Variants in TMEM63B observed in about 807,000 individuals in gnomAD.
TMEM63B encodes the protein transmembrane protein 63B, also known as mechanosensitive cation channel TMEM63B.
Under a neutral mutation model 102.6 loss-of-function variants are expected in TMEM63B, and 23 were observed. The observed-to-expected ratio is 0.22, with a 90% CI of 0.16 to 0.32. The LOEUF (loss-of-function observed/expected upper bound fraction) is 0.32, where lower values mean the gene tolerates loss of function less well. TMEM63B is among the 10% of genes least tolerant of loss of function. The pLI is 1.00. For synonymous variants in TMEM63B, 444 were observed against 437.0 expected, an observed-to-expected ratio of 1.02 and a Z score of -0.20; for missense variants, 628 against 1,095.9, an observed-to-expected ratio of 0.57 and a Z score of 6.03.
chr6:44,131,655 G>A (rs1476851881), intron 1 of TMEM63B, among the ~76,000 whole-genome samples: 2 of 151,992 alleles, frequency 1.3e-5, no homozygotes, highest in African/African-American at 2.4e-5. Context: ...GGAGGCAGAG[G>A]TTGCAGTGAG....
chr6:44,145,139 G>T (rs1464228455), intron 10 of TMEM63B, among the ~76,000 whole-genome samples: 1 of 151,518 alleles, frequency 6.6e-6, no homozygotes, highest in East Asian at 2.0e-4. Flanking sequence ...GCCAGGCGTG[G>T]TGGCATGTGC....
rs919569150 is a variant in TMEM63B at position 44,148,064 on chromosome 6, A to G, written c.988-188A>G. 3.9e-5 allele frequency among the ~76,000 whole-genome samples: 6 copies of G among 152,168 alleles called. No individual in the cohort carries two copies. Among genetic ancestry groups the G allele is most frequent in the African/African-American group, 1.4e-4 (6 of 41,440 alleles). The stretch of plus-strand genomic sequence containing the variant: ...CTTTAGCCTGGGAGCTTGAGGCTCC[A>G]GTGAGCTGAGATTCCACCACTACAC... On this transcript the variant is annotated intron_variant, in intron 12 of 23. Coordinates refer to ENST00000323267, the MANE Select transcript of TMEM63B (RefSeq NM_018426.3). This position sits in a 1 kb window ranked among gnomAD's most constrained non-coding sequence, Gnocchi z 5.1.
chr6:44,126,897 A>G (rs1777139538), upstream of TMEM63B: 1 of 152,230 alleles, frequency 6.6e-6, no homozygotes, highest in African/African-American at 2.4e-5. Flanking sequence ...GAGTGAAAGC[A>G]AAAACTCAAT....
intron 12 of TMEM63B, 70 bp downstream of exon 12, chr6:44,147,570 G>A (rs1765681373): frequency 6.4e-7 from 1 of 1,574,552 alleles, no homozygotes; most frequent in South Asian, 1.1e-5. Flanking sequence ...CTGGGGCCCT[G>A]CCCTCAGTGA....
chr6:44,135,353 G>A lies in TMEM63B; in HGVS notation c.265G>A (p.Val89Met). The change falls in exon 4 of 24, where the codon GTG becomes ATG. Residue 89 changes from valine (V) to methionine (M), a missense_variant. By Grantham distance (21) the Val-to-Met change is conservative. Around this residue, in one of 6 missense-constraint regions of TMEM63B, gnomAD observed 336 missense variants for 580.3 expected, o/e 0.58. Transcript: ENST00000323267. The stretch of plus-strand genomic sequence containing the variant: ...GCTTCGGCGGCAGGAGAGGGACCGA[G>A]TGGAACAGGAATAGTATGTGGGGCA... ...DRLRRQERDR[V>M]EQEYVASAMH... is the part of the protein sequence containing the mutation. 6.2e-7 allele frequency: 1 copy of A among 1,613,012 alleles called. No individual in the cohort carries two copies. Among genetic ancestry groups the A allele is most frequent in the Non-Finnish European group, 8.5e-7 (1 of 1,179,464 alleles).
At position 44,138,736 on chromosome 6, in the gene TMEM63B, G is replaced by GTCCCCCCCCCCCCC. The variant is rs567563400; in HGVS notation, c.407+219_407+220insTCCCCCCCCCCCCC. The GTCCCCCCCCCCCCC allele has an allele frequency of 6.9e-5, 20 of 288,698 alleles. 1 individual carries two copies. The highest frequency in any genetic ancestry group is 2.5e-4 in the Admixed American group (5 of 19,770). The allele number at this position is 288,698 out of a possible 1,614,324, so 17.9% of individuals were successfully genotyped here. On this transcript the variant is annotated intron_variant, in intron 6 of 23. Coordinates refer to ENST00000323267, the MANE Select transcript of TMEM63B (RefSeq NM_018426.3). ...TAATCTCCTCTGTGACCCCCTGCCGGCCCCCCCGCTTCTCTCCCTGCCCTG... is the reference window on the plus strand; with the variant it reads ...TAATCTCCTCTGTGACCCCCTGCCGGTCCCCCCCCCCCCCCCCCCCCGCTTCTCTCCCTGCCCTG...
At position 44,148,501 on chromosome 6, in the gene TMEM63B, C is replaced by T; in HGVS notation, c.1122-12C>T. 2 of 1,613,746 alleles carry T rather than the reference C, an allele frequency of 1.2e-6. No homozygotes were observed. Among genetic ancestry groups the T allele is most frequent in the Non-Finnish European group, 1.7e-6 (2 of 1,179,758 alleles). On this transcript the variant is annotated splice_polypyrimidine_tract_variant and intron_variant, in intron 13 of 23. Transcript: ENST00000323267. This position sits in a 1 kb window ranked among gnomAD's most constrained non-coding sequence, Gnocchi z 5.1. ...CAGGTGGGCCTGTGGTAACCAGTGC[C>T]CATCTTTCTAGCATCCTGAAGGACT...
chr6:44,154,338 T>C, intron 22 of TMEM63B, 27 bp from the exon 23 acceptor site: 1 of 1,613,390 alleles, frequency 6.2e-7, no homozygotes, highest in Non-Finnish European at 8.5e-7. Flanking sequence ...ATGCCCCCAC[T>C]TCCTGACTCA....
At chr6:44,149,255 C>T (rs9369457) in intron 15 of TMEM63B, 47,100 of 456,398 alleles carry the variant, frequency 0.1, 3,053 homozygotes, top group East Asian at 0.25. Context: ...TGGAAAGGTT[C>T]AACTAGATCA....
At position 44,150,517 on chromosome 6, in the gene TMEM63B, C is replaced by A. The variant is rs764892671; in HGVS notation, c.1608-47C>A. 3.1e-6 allele frequency: 5 copies of A among 1,605,332 alleles called. No homozygotes were observed. The highest frequency in any genetic ancestry group is 3.4e-6 in the Non-Finnish European group (4 of 1,172,300). On this transcript the variant is annotated intron_variant, in intron 17 of 23. Coordinates refer to ENST00000323267, the MANE Select transcript of TMEM63B (RefSeq NM_018426.3). This position sits in a 1 kb window ranked among gnomAD's most constrained non-coding sequence, Gnocchi z 4.7. Reference sequence around the variant, plus strand: ...GAGGGACTTCCCCTCCCCTGGTGTTCTGTACCACTCCAGCTCCCACCCCAT... The same window carrying A: ...GAGGGACTTCCCCTCCCCTGGTGTTATGTACCACTCCAGCTCCCACCCCAT...
intron 6 of TMEM63B, chr6:44,138,932 G>A (rs1370841355): frequency 7.4e-6 from 2 of 272,026 alleles, no homozygotes; most frequent in African/African-American, 4.4e-5. Context: ...GCCAGGACAG[G>A]TCAGCACTGC....
chr6:44,131,868 C>A (rs1306807481), intron 1 of TMEM63B, among the ~76,000 whole-genome samples: 1 of 152,196 alleles, frequency 6.6e-6, no homozygotes, highest in Non-Finnish European at 1.5e-5. Context: ...ACCAAAACCT[C>A]AATATCAGAC....
At chr6:44,132,139 T>C (rs998378425) in intron 1 of TMEM63B, 6 of 506,486 alleles carry the variant, frequency 1.2e-5, no homozygotes, top group African/African-American at 2.1e-5. Context: ...TGCAAGTTGC[T>C]TCCCCTACTG....
intron 20 of TMEM63B, among the ~76,000 whole-genome samples, chr6:44,153,468 G>A (rs1767241461): frequency 6.6e-6 from 1 of 152,210 alleles, no homozygotes; most frequent in Admixed American, 6.5e-5. Context: ...TAGAATTCCT[G>A]ATGAGGAGAG....
chr6:44,133,018 T>C (rs1357970944), intron 1 of TMEM63B, among the ~76,000 whole-genome samples: 1 of 152,168 alleles, frequency 6.6e-6, no homozygotes, highest in East Asian at 1.9e-4. Context: ...CACCCTAAAA[T>C]GTCAGTGACA....
intron 1 of TMEM63B, among the ~76,000 whole-genome samples, chr6:44,133,971 A>G (rs111460516): frequency 0.013 from 1,951 of 152,344 alleles, 51 homozygotes; most frequent in African/African-American, 0.043. Flanking sequence ...CAGAAGTCCT[A>G]CTATTTACTT....
intron 9 of TMEM63B, among the ~76,000 whole-genome samples, chr6:44,140,724 T>C (rs1278486616): frequency 6.6e-6 from 1 of 152,172 alleles, no homozygotes; most frequent in Non-Finnish European, 1.5e-5. Context: ...TGCTGGGTTC[T>C]CAGGGTCTAA....
At position 44,150,778 on chromosome 6, in the gene TMEM63B, G is replaced by T. The variant is rs1766434455; in HGVS notation, c.1673+149G>T. ...AGGATCTGGCGGGGTTACCCCAAAG[G>T]CACCCACAAGGTGTCTTGGGTGTGT... On this transcript the variant is annotated intron_variant, in intron 18 of 23. Transcript: ENST00000323267. The surrounding 1 kb of genome is among the most constrained non-coding windows in gnomAD (Gnocchi z 4.7). The T allele has an allele frequency of 6.3e-6, 5 of 791,328 alleles. No individual in the cohort carries two copies. In the South Asian group the frequency reaches 8.2e-5, roughly 13 times the overall value. 49.0% of individuals were successfully genotyped at this position (791,328 alleles called of 1,614,324 possible).
chr6:44,127,017 G>A (rs1189472896), upstream of TMEM63B: 1 of 152,238 alleles, frequency 6.6e-6, no homozygotes, highest in Admixed American at 6.5e-5. Flanking sequence ...AGTGACCAGC[G>A]ACGGCTGAAC....
Sources: gnomAD v4.1 joint callset for allele counts (sites outside exome capture counted in the v4.1 genomes callset) on GRCh38, gnomAD v4.1.1 for gene constraint, gnomAD v4.1.1 regional missense constraint, Gnocchi (gnomAD v3.1) non-coding constraint, MANE v1.5 for transcripts, NCBI Gene and HGNC (gene_info 2026-07-23, HGNC 2026-07-21) for gene names.